Variants in RALGAPA2 observed in about 807,000 individuals in gnomAD.
RALGAPA2 encodes the protein Ral GTPase activating protein catalytic subunit alpha 2, also known as ral GTPase-activating protein subunit alpha-2.
RALGAPA2 carries 139 observed loss-of-function variants against 230.4 expected under a neutral mutation model. That is an observed-to-expected ratio of 0.60 (90% CI 0.53 to 0.69). The LOEUF is 0.69. Among genes scored for constraint, RALGAPA2 ranks in the 30% least tolerant of loss-of-function variants. The pLI, the probability that RALGAPA2 is intolerant of heterozygous loss-of-function variation, is 0.00. For synonymous variants in RALGAPA2, 847 were observed against 837.8 expected (o/e 1.01, Z -0.19); for missense variants, 2,163 against 2,276.0 (o/e 0.95, Z 1.01).
intron 30 of RALGAPA2, 23 bp downstream of exon 30, chr20:20,524,383 C>G: frequency 6.2e-7 from 1 of 1,613,336 alleles, no homozygotes; most frequent in East Asian, 2.2e-5. Flanking sequence ...ACTCCATTCC[C>G]CCAGGCCCAG....
At chr20:20,419,160 G>A (rs1416639394) in intron 37 of RALGAPA2, among the ~76,000 whole-genome samples, 1 of 152,210 alleles carries the variant, frequency 6.6e-6, no homozygotes, top group Admixed American at 6.5e-5. Flanking sequence ...TGGAGGGGTT[G>A]TACCTGGGAG....
At chr20:20,595,382 G>A (rs1253455625) in intron 16 of RALGAPA2, among the ~76,000 whole-genome samples, 2 of 152,118 alleles carry the variant, frequency 1.3e-5, no homozygotes, top group Non-Finnish European at 2.9e-5. Flanking sequence ...CATAGGAAAT[G>A]CATATCAGCT....
intron 1 of RALGAPA2, among the ~76,000 whole-genome samples, chr20:20,707,930 C>T (rs1335456863): frequency 6.6e-6 from 1 of 152,122 alleles, no homozygotes; most frequent in Non-Finnish European, 1.5e-5. Flanking sequence ...CCATCTTCCC[C>T]TGGTTGTAAT....
intron 1 of RALGAPA2, among the ~76,000 whole-genome samples, chr20:20,691,209 T>C (rs1402214851): frequency 6.6e-6 from 1 of 152,200 alleles, no homozygotes; most frequent in Non-Finnish European, 1.5e-5. Context: ...TCAACCTTAC[T>C]GGGTCCTTGA....
intron 37 of RALGAPA2, among the ~76,000 whole-genome samples, chr20:20,462,605 G>GAC (rs1408279785): frequency 1.3e-5 from 2 of 152,230 alleles, no homozygotes; most frequent in African/African-American, 4.8e-5. Context: ...AAACAGAAAG[G>GAC]ACACCCTTTC....
Position 20,512,991 on chromosome 20 carries a change from T to C in RALGAPA2, c.4378A>G (p.Arg1460Gly). 1 of 1,613,754 alleles carries C rather than the reference T, an allele frequency of 6.2e-7. No individual in the cohort carries two copies. Among genetic ancestry groups the C allele is most frequent in the Non-Finnish European group, 8.5e-7 (1 of 1,179,768 alleles). Residue 1460 changes from arginine to glycine, a missense_variant, in exon 32 of 40, where the codon AGA becomes GGA. Arg to Gly is a moderately radical substitution (Grantham distance 125). Transcript: ENST00000202677. ...GSPVGSLSDV[R>G]VIVRDISGKY... ...CCTGAGATATCCCTCACAATTACTCTCACATCAGAGAGAGAGCCCACTGGT... is the reference window on the plus strand; with the variant it reads ...CCTGAGATATCCCTCACAATTACTCCCACATCAGAGAGAGAGCCCACTGGT...
chr20:20,459,082 T>G (rs575824225), intron 37 of RALGAPA2, among the ~76,000 whole-genome samples: 7 of 151,950 alleles, frequency 4.6e-5, no homozygotes, highest in Admixed American at 4.6e-4. Context: ...AAGTTTTGTT[T>G]CCGGCTATGA....
At chr20:20,561,595 A>AAATT (rs1406738719) in intron 23 of RALGAPA2, among the ~76,000 whole-genome samples, 2 of 152,188 alleles carry the variant, frequency 1.3e-5, no homozygotes, top group African/African-American at 4.8e-5. Flanking sequence ...AACCATTATG[A>AAATT]AATTGTACCC....
intron 1 of RALGAPA2, among the ~76,000 whole-genome samples, chr20:20,703,098 A>T (rs1369901729): frequency 6.6e-6 from 1 of 152,076 alleles, no homozygotes; most frequent in Non-Finnish European, 1.5e-5. Flanking sequence ...ACTTCAACCC[A>T]GGAGGCAGAG....
chr20:20,615,975 A>G, intron 13 of RALGAPA2, 68 bp downstream of exon 13: 1 of 1,187,714 alleles, frequency 8.4e-7, no homozygotes, highest in South Asian at 2.2e-5. Context: ...GCAAGCCTTA[A>G]CATTTTAATT....
chr20:20,681,360 T>C (rs550079286), intron 1 of RALGAPA2, among the ~76,000 whole-genome samples: 4 of 152,322 alleles, frequency 2.6e-5, no homozygotes, highest in African/African-American at 9.6e-5. Context: ...CACTCATGTA[T>C]GGACACTGTA....
chr20:20,632,982 C>G (rs1242343642), intron 9 of RALGAPA2, among the ~76,000 whole-genome samples: 2 of 151,654 alleles, frequency 1.3e-5, no homozygotes, highest in African/African-American at 2.4e-5. Flanking sequence ...AAAGTCAAAC[C>G]TCATTTCTTC....
intron 23 of RALGAPA2, among the ~76,000 whole-genome samples, chr20:20,565,146 G>A (rs559560283): frequency 1.3e-5 from 2 of 152,300 alleles, no homozygotes; most frequent in Admixed American, 6.5e-5. Context: ...GCACTTTAGA[G>A]ACATGTATTA....
chr20:20,691,407 C>G (rs2068900042), intron 1 of RALGAPA2, among the ~76,000 whole-genome samples: 3 of 152,032 alleles, frequency 2.0e-5, no homozygotes, highest in Admixed American at 2.0e-4. Flanking sequence ...CAACCTGATT[C>G]AATTGAAAGT....
intron 3 of RALGAPA2, among the ~76,000 whole-genome samples, chr20:20,653,800 C>T (rs1342020644): frequency 6.6e-6 from 1 of 152,138 alleles, no homozygotes; most frequent in African/African-American, 2.4e-5. Flanking sequence ...AAAGAGATCA[C>T]TGTCCCAAGT....
chr20:20,704,584 A>G (rs572534343), intron 1 of RALGAPA2, among the ~76,000 whole-genome samples: 1 of 152,296 alleles, frequency 6.6e-6, no homozygotes, highest in East Asian at 1.9e-4. Flanking sequence ...GTAGGATTCA[A>G]TTTAAGGCAC....
chr20:20,435,551 G>C (rs1310210918), intron 37 of RALGAPA2, among the ~76,000 whole-genome samples: 1 of 152,240 alleles, frequency 6.6e-6, no homozygotes, highest in Non-Finnish European at 1.5e-5. Flanking sequence ...GAGAAGAGTA[G>C]GGAACAGGGG....
At chr20:20,585,038 A>C (rs937851639) in intron 18 of RALGAPA2, 83 bp from the exon 19 acceptor site, 1 of 766,546 alleles carries the variant, frequency 1.3e-6, no homozygotes, top group Non-Finnish European at 2.1e-6. Flanking sequence ...AAATTTCTAA[A>C]GAAAAAGAAA....
chr20:20,495,375 A>G, intron 35 of RALGAPA2, 100 bp from the exon 36 acceptor site: 2 of 1,027,044 alleles, frequency 1.9e-6, no homozygotes, highest in Non-Finnish European at 2.7e-6. Context: ...AGGCCAAAAA[A>G]ATTTCACTAC....
Sources: allele counts gnomAD v4.1 joint callset (sites outside exome capture counted in the v4.1 genomes callset), GRCh38; gene constraint gnomAD v4.1.1; transcripts MANE v1.5; gene names NCBI Gene and HGNC (gene_info 2026-07-23, HGNC 2026-07-21).